SLFN12L: variants seen among roughly 807,000 people sequenced by gnomAD.
SLFN12L encodes schlafen family member 12 like.
A neutral mutation model predicts 34.8 loss-of-function variants in SLFN12L; 34 were observed. That is an observed-to-expected ratio of 0.98 (90% CI 0.74 to 1.30). SLFN12L has a LOEUF of 1.30. SLFN12L is among the 50% of genes most tolerant of loss of function. The pLI is 0.00. For synonymous variants in SLFN12L, 259 were observed against 247.5 expected (o/e 1.05, Z -0.44); for missense variants, 703 against 696.2 (o/e 1.01, Z -0.11).
intron 1 of SLFN12L, among the ~76,000 whole-genome samples, chr17:35,531,743 A>G (rs1224774131): frequency 6.6e-6 from 1 of 151,938 alleles, no homozygotes; most frequent in Non-Finnish European, 1.5e-5. Context: ...CAGCCTCCCA[A>G]GTAGCTGGAA....
rs921195505 is a variant in SLFN12L, at chr17:35,466,879, C to T, written c.*8044G>A. Among the ~76,000 whole-genome samples the T allele has an allele frequency of 1.3e-5, 2 of 152,204 alleles. No individual in the cohort carries two copies. The highest frequency in any genetic ancestry group is 2.9e-5 in the Non-Finnish European group (2 of 68,040). ...AAAACCACAAATGACTAGCTCCATA[C>T]TGGGCTCTCCTGGACATAGAGGCTT... On this transcript the variant is annotated 3_prime_UTR_variant, in exon 5 of 5. Transcript: ENST00000628453.
chr17:35,530,513 A>AAAG lies in SLFN12L; in HGVS notation c.-606+7059_-606+7060insCTT, dbSNP rs1567694635. Among the ~76,000 whole-genome samples, 181 of 32,450 alleles carry AAAG rather than the reference A, an allele frequency of 5.6e-3. 6 individuals carry two copies. Among genetic ancestry groups the AAAG allele is most frequent in the African/African-American group, 0.014 (129 of 9,136 alleles). The allele number at this position is 32,450 out of a possible 152,430, so 21.3% of individuals were successfully genotyped here. On this transcript the variant is annotated intron_variant, in intron 1 of 4. Transcript: ENST00000628453. ...GAAAGAAAGAAAGAAAGAAAGAAAG[A>AAAG]AAAGAAAAGAAAAGAAAAGAAAAGA...
chr17:35,535,424 C>T (rs368026253), intron 1 of SLFN12L, among the ~76,000 whole-genome samples: 6 of 149,862 alleles, frequency 4.0e-5, no homozygotes, highest in East Asian at 4.0e-4. Context: ...CTTGAACTCC[C>T]GACCTCAGGT....
intron 2 of SLFN12L, among the ~76,000 whole-genome samples, chr17:35,511,217 G>A (rs184074774): frequency 1.3e-5 from 2 of 152,174 alleles, no homozygotes; most frequent in East Asian, 3.9e-4. Flanking sequence ...AGATTGAAGC[G>A]ATAATAAAAC....
In SLFN12L at chr17:35,475,370, T is replaced by G. The variant is rs1913951885; in HGVS notation, c.1392A>C (p.Ser464=). 6.2e-7 allele frequency: 1 copy of G among 1,614,124 alleles called. No individual in the cohort carries two copies. Among genetic ancestry groups the G allele is most frequent in the African/African-American group, 1.3e-5 (1 of 74,946 alleles). Residue 464 remains serine (S), a synonymous_variant, in exon 5 of 5, where the codon TCA becomes TCC. Coordinates refer to ENST00000628453, the MANE Select transcript of SLFN12L (RefSeq NM_001363830.2). Reference sequence around the variant, plus strand: ...AAGACCAGCTCCTAGAGAAGATCAGTGAGCCCTTATTGACAGAGCCCATTT... The same window carrying G: ...AAGACCAGCTCCTAGAGAAGATCAGGGAGCCCTTATTGACAGAGCCCATTT... ...CEEMGSVNKG[S]LIFSRSWSLD... is the part of the protein sequence containing the mutation.
intron 2 of SLFN12L, among the ~76,000 whole-genome samples, chr17:35,511,216 C>T (rs1471758605): frequency 6.6e-6 from 1 of 152,014 alleles, no homozygotes; most frequent in Non-Finnish European, 1.5e-5. Context: ...AAGATTGAAG[C>T]GATAATAAAA....
chr17:35,498,547 G>A (rs1043955468), intron 2 of SLFN12L: 7 of 1,384,912 alleles, frequency 5.1e-6, no homozygotes, highest in East Asian at 2.3e-5. Context: ...GTCCAGAACA[G>A]TCCAAAAAGT....
intron 2 of SLFN12L, among the ~76,000 whole-genome samples, chr17:35,506,765 G>A (rs936754843): frequency 6.6e-6 from 1 of 152,144 alleles, no homozygotes; most frequent in African/African-American, 2.4e-5. Context: ...TGGGAAGCCC[G>A]AGAATTAGTA....
chr17:35,531,822 A>T (rs939480112), intron 1 of SLFN12L, among the ~76,000 whole-genome samples: 5 of 151,554 alleles, frequency 3.3e-5, no homozygotes, highest in African/African-American at 1.2e-4. Flanking sequence ...TTTAATAGAG[A>T]TGGGGTTTCA....
Position 35,522,828 on chromosome 17 carries a change from A to G in SLFN12L, c.-464T>C. On this transcript the variant is annotated 5_prime_UTR_variant, in exon 2 of 5. Coordinates refer to ENST00000628453, the MANE Select transcript of SLFN12L (RefSeq NM_001363830.2). ...TGGCTTCTCCTGCAAATTCAGGTCC[A>G]CAGCCTAGCTTCTAGAGAGGATCAC... 7.5e-7 allele frequency: 1 copy of G among 1,326,462 alleles called. No individual in the cohort carries two copies. The highest frequency in any genetic ancestry group is 1.4e-5 in the African/African-American group (1 of 68,988). The allele number at this position is 1,326,462 out of a possible 1,614,324, so 82.2% of individuals were successfully genotyped here. A position where few individuals can be genotyped will look rare whatever the true frequency, so the allele number is the denominator to read the frequency against.
At chr17:35,513,868 TCAA>T (rs1915731428) in intron 2 of SLFN12L, among the ~76,000 whole-genome samples, 1 of 152,114 alleles carries the variant, frequency 6.6e-6, no homozygotes, top group African/African-American at 2.4e-5. Flanking sequence ...TCAGTGAAAA[TCAA>T]CAATAGAGTT....
At chr17:35,498,875 C>A in intron 2 of SLFN12L, 1 of 707,906 alleles carries the variant, frequency 1.4e-6, no homozygotes, top group African/African-American at 1.8e-5. Flanking sequence ...GCAGTGAGAA[C>A]AATTACTTGG....
Position 35,471,427 on chromosome 17 carries a change from G to A in SLFN12L, c.*3496C>T, listed in dbSNP as rs57086700. The stretch of plus-strand genomic sequence containing the variant: ...GCTGGGATTACAGGCATGAGCCACC[G>A]CGCCACGCCTGCATGTATCTTTATA... On this transcript the variant is annotated 3_prime_UTR_variant, in exon 5 of 5. Coordinates refer to ENST00000628453, the MANE Select transcript of SLFN12L (RefSeq NM_001363830.2). Among the ~76,000 whole-genome samples, 1,261 of 152,204 alleles carry A rather than the reference G, an allele frequency of 8.3e-3. 16 individuals carry two copies. Among genetic ancestry groups the A allele is most frequent in the African/African-American group, 0.029 (1,207 of 41,512 alleles).
rs1422039968 is a variant in SLFN12L at position 35,472,309 on chromosome 17, A to G, written c.*2614T>C. Among the ~76,000 whole-genome samples, 1 of 152,178 alleles carries G rather than the reference A, an allele frequency of 6.6e-6. No homozygotes were observed. The highest frequency in any genetic ancestry group is 1.9e-4 in the East Asian group (1 of 5,200). The stretch of plus-strand genomic sequence containing the variant: ...TAGTCCATCTTGGGTTAATTTTTGT[A>G]TAAGGTGTAAGGAAGGGATCCAGTT... On this transcript the variant is annotated 3_prime_UTR_variant, in exon 5 of 5. Transcript: ENST00000628453.
At chr17:35,537,110 G>A (rs117896376) in intron 1 of SLFN12L, among the ~76,000 whole-genome samples, 9 of 151,980 alleles carry the variant, frequency 5.9e-5, no homozygotes, top group African/African-American at 2.2e-4. Context: ...GCCCTGGAAG[G>A]TCGAAGCTGC....
intron 2 of SLFN12L, chr17:35,498,549 C>T (rs1254177076): frequency 1.2e-5 from 17 of 1,402,326 alleles, no homozygotes; most frequent in Non-Finnish European, 1.7e-5. Flanking sequence ...CCAGAACAGT[C>T]CAAAAAGTAC....
At chr17:35,502,427 A>AC (rs1296013570) in intron 2 of SLFN12L, among the ~76,000 whole-genome samples, 1 of 147,448 alleles carries the variant, frequency 6.8e-6, no homozygotes, top group African/African-American at 2.5e-5. Context: ...AAAAAAAAAA[A>AC]AAAAAAAAAA....
intron 2 of SLFN12L, chr17:35,487,653 T>C: frequency 1.4e-6 from 2 of 1,464,852 alleles, no homozygotes; most frequent in South Asian, 1.2e-5. Flanking sequence ...CACGGAGAAG[T>C]TCTCGTTTCG....
intron 2 of SLFN12L, among the ~76,000 whole-genome samples, chr17:35,518,549 TAA>T (rs145135287): frequency 7.8e-4 from 108 of 137,866 alleles, no homozygotes; most frequent in South Asian, 6.0e-3. Context: ...AGACTGTATT[TAA>T]AAAAAAAAAA....
Sources: allele counts gnomAD v4.1 joint callset (sites outside exome capture counted in the v4.1 genomes callset), GRCh38; gene constraint gnomAD v4.1.1; transcripts MANE v1.5; gene names NCBI Gene and HGNC (gene_info 2026-07-23, HGNC 2026-07-21).